Variants in ADGRV1 observed in about 807,000 individuals in gnomAD.
The protein encoded by ADGRV1 is G-protein coupled receptor 98.
A neutral mutation model predicts 596.2 loss-of-function variants in ADGRV1; 359 were observed. The ratio of observed to expected loss-of-function variants is 0.60; its 90% CI spans 0.55 to 0.66. The LOEUF is 0.66. Among genes scored for constraint, ADGRV1 ranks in the 30% least tolerant of loss-of-function variants. The pLI is 0.00. For missense variants in ADGRV1, 7,274 were observed against 7,575.6 expected, an observed-to-expected ratio of 0.96 and a Z score of 1.48; for synonymous variants, 2,681 against 2,679.2, an observed-to-expected ratio of 1.00 and a Z score of -0.02.
At chr5:90,777,799 T>A in intron 61 of ADGRV1, 106 bp from the exon 62 acceptor site, 1 of 1,048,766 alleles carries the variant, frequency 9.5e-7, no homozygotes, top group Non-Finnish European at 1.3e-6. Context: ...AAGAAAACTG[T>A]TATTGAAATG....
intron 85 of ADGRV1, among the ~76,000 whole-genome samples, chr5:91,028,645 G>A (rs1169384605): frequency 2.0e-5 from 3 of 150,110 alleles, no homozygotes; most frequent in Non-Finnish European, 4.4e-5. Flanking sequence ...TCAAGGACCA[G>A]CCTCTTTAAA....
At chr5:90,928,136 C>T (rs1343198211) in intron 83 of ADGRV1, among the ~76,000 whole-genome samples, 1 of 152,100 alleles carries the variant, frequency 6.6e-6, no homozygotes, top group Non-Finnish European at 1.5e-5. Context: ...CGAGGAGTAT[C>T]TTTGTGGCAT....
chr5:90,731,710 A>G (rs185023705), intron 50 of ADGRV1, among the ~76,000 whole-genome samples: 94 of 152,318 alleles, frequency 6.2e-4, no homozygotes, highest in African/African-American at 2.2e-3. Context: ...ATGGCCTGGA[A>G]TGGCAGGCAC....
chr5:90,789,937 A>G, intron 69 of ADGRV1, 86 bp downstream of exon 69: 1 of 996,424 alleles, frequency 1.0e-6, no homozygotes, highest in East Asian at 3.1e-5. Flanking sequence ...TGTTCTAGTT[A>G]ATTAAAGTTT....
intron 85 of ADGRV1, among the ~76,000 whole-genome samples, chr5:91,063,777 T>G (rs1466714605): frequency 6.6e-6 from 1 of 152,158 alleles, no homozygotes; most frequent in Non-Finnish European, 1.5e-5. Flanking sequence ...TAAACAGGAT[T>G]AATACACATA....
chr5:90,828,379 C>T (rs1390223595), intron 76 of ADGRV1, among the ~76,000 whole-genome samples: 1 of 151,996 alleles, frequency 6.6e-6, no homozygotes, highest in Non-Finnish European at 1.5e-5. Context: ...CAACTCCACT[C>T]CCTGCCCTGT....
At chr5:91,019,235 C>G (rs1783427431) in intron 85 of ADGRV1, among the ~76,000 whole-genome samples, 1 of 151,970 alleles carries the variant, frequency 6.6e-6, no homozygotes, top group South Asian at 2.1e-4. Context: ...AAAGGAAATT[C>G]TAAACTGCTG....
chr5:90,864,874 T>A (rs1264632024), intron 83 of ADGRV1, among the ~76,000 whole-genome samples: 1 of 152,208 alleles, frequency 6.6e-6, no homozygotes, highest in Non-Finnish European at 1.5e-5. Context: ...GCTGGTCATA[T>A]GTGTGTATTG....
At chr5:91,114,451 C>CAGGA (rs1416929059) in intron 87 of ADGRV1, among the ~76,000 whole-genome samples, 2 of 151,732 alleles carry the variant, frequency 1.3e-5, no homozygotes, top group Non-Finnish European at 2.9e-5. Flanking sequence ...TTCTTGAACC[C>CAGGA]AGGAAGCGGA....
At chr5:90,776,352 G>T in intron 60 of ADGRV1, 101 bp from the exon 61 acceptor site, 1 of 1,076,728 alleles carries the variant, frequency 9.3e-7, no homozygotes, top group South Asian at 1.3e-5. Context: ...TCATGAGAAT[G>T]AACTAGATTC....
chr5:91,115,906 C>T (rs1203999747), intron 87 of ADGRV1, among the ~76,000 whole-genome samples: 1 of 152,010 alleles, frequency 6.6e-6, no homozygotes. Context: ...GAGATCATGC[C>T]ATTGTACTCC....
chr5:90,596,586 G>A (rs920327514), intron 1 of ADGRV1, among the ~76,000 whole-genome samples: 3 of 152,158 alleles, frequency 2.0e-5, no homozygotes, highest in Non-Finnish European at 4.4e-5. Context: ...TTAGGAGCTG[G>A]AGACCAGCCC....
intron 1 of ADGRV1, among the ~76,000 whole-genome samples, chr5:90,570,888 A>G (rs977773642): frequency 1.3e-5 from 2 of 152,134 alleles, no homozygotes; most frequent in African/African-American, 4.8e-5. Context: ...AACAGTTGAT[A>G]CAAAGTCTTT....
At chr5:91,042,295 A>T (rs1018949263) in intron 85 of ADGRV1, among the ~76,000 whole-genome samples, 3 of 152,228 alleles carry the variant, frequency 2.0e-5, no homozygotes, top group Admixed American at 2.0e-4. Context: ...GAATTATAAT[A>T]AATATCACAG....
intron 1 of ADGRV1, among the ~76,000 whole-genome samples, chr5:90,603,967 A>G (rs1761761927): frequency 6.7e-6 from 1 of 148,952 alleles, no homozygotes; most frequent in Non-Finnish European, 1.5e-5. Context: ...CCGCCTCTGA[A>G]TGACATGGAG....
At chr5:90,569,085 C>G (rs1309844940) in intron 1 of ADGRV1, among the ~76,000 whole-genome samples, 3 of 151,998 alleles carry the variant, frequency 2.0e-5, no homozygotes, top group Admixed American at 6.6e-5. Flanking sequence ...AGAGGGCAAA[C>G]AAGCATGTGA....
intron 87 of ADGRV1, among the ~76,000 whole-genome samples, chr5:91,127,392 T>C (rs1793850917): frequency 6.6e-6 from 1 of 151,884 alleles, no homozygotes. Flanking sequence ...ATTTAAAAAT[T>C]AACTAGGCAT....
At chr5:90,655,992 G>A (rs922762232) in intron 20 of ADGRV1, 11 of 152,056 alleles carry the variant, frequency 7.2e-5, no homozygotes, top group African/African-American at 2.7e-4. Flanking sequence ...CATGTATATT[G>A]CATGAAATTT....
At chr5:90,925,567 T>C (rs1774349333) in intron 83 of ADGRV1, among the ~76,000 whole-genome samples, 1 of 152,120 alleles carries the variant, frequency 6.6e-6, no homozygotes, top group Admixed American at 6.5e-5. Flanking sequence ...TACAGTCATG[T>C]CGTCTGCAAA....
Sources: gnomAD v4.1 joint callset for allele counts (sites outside exome capture counted in the v4.1 genomes callset) on GRCh38, gnomAD v4.1.1 for gene constraint, MANE v1.5 for transcripts, NCBI Gene and HGNC (gene_info 2026-07-23, HGNC 2026-07-21) for gene names.